Variants in SLC9D1 observed in about 807,000 individuals in gnomAD.
SLC9D1 encodes putative LAG1-interacting protein.
At chr13:113,502,143 G>A in the SLC9D1 span, among the ~76,000 whole-genome samples, 1 of 152,180 alleles carries the variant, frequency 6.6e-6, no homozygotes, top group South Asian at 2.1e-4. Context: ...TAACGTGCTG[G>A]ACCAGGTTAT....
the SLC9D1 span, among the ~76,000 whole-genome samples, chr13:113,545,385 T>G: frequency 1.3e-5 from 2 of 152,350 alleles, no homozygotes; most frequent in South Asian, 4.1e-4. Context: ...GCCCACATAG[T>G]TTCTCAGTGC....
At chr13:113,540,385 C>T in the SLC9D1 span, among the ~76,000 whole-genome samples, 1 of 152,236 alleles carries the variant, frequency 6.6e-6, no homozygotes, top group East Asian at 1.9e-4. Flanking sequence ...TTCTCCACAA[C>T]CTCGCCAGCG....
chr13:113,548,485 G>T, the SLC9D1 span: 1 of 1,585,684 alleles, frequency 6.3e-7, no homozygotes, highest in South Asian at 1.1e-5. Flanking sequence ...GCGCTTCTCG[G>T]GCGGCACGGG....
At chr13:113,494,217 T>C in the SLC9D1 span, among the ~76,000 whole-genome samples, 3,585 of 152,312 alleles carry the variant, frequency 0.024, 91 homozygotes, top group East Asian at 0.11. Flanking sequence ...CTTTAAACTG[T>C]AAATCTGCGT....
the SLC9D1 span, among the ~76,000 whole-genome samples, chr13:113,548,671 C>G: frequency 1.3e-5 from 2 of 152,228 alleles, no homozygotes; most frequent in African/African-American, 4.8e-5. Context: ...TTGCATTAAC[C>G]TTTTACAACA....
At chr13:113,523,158 T>G in the SLC9D1 span, among the ~76,000 whole-genome samples, 2 of 151,940 alleles carry the variant, frequency 1.3e-5, no homozygotes, top group Non-Finnish European at 2.9e-5. Flanking sequence ...GTAATAAAAG[T>G]CATACTAGGT....
At chr13:113,537,888 CGTGT>C in the SLC9D1 span, among the ~76,000 whole-genome samples, 25,536 of 152,056 alleles carry the variant, frequency 0.17, 2,397 homozygotes, top group Admixed American at 0.27. Flanking sequence ...ACCAAGTAGC[CGTGT>C]GTGTGTGCGT....
At chr13:113,539,927 G>A in the SLC9D1 span, among the ~76,000 whole-genome samples, 1 of 152,096 alleles carries the variant, frequency 6.6e-6, no homozygotes, top group Non-Finnish European at 1.5e-5. The surrounding 1 kb of genome is among the most constrained non-coding windows in gnomAD (Gnocchi z 4.8). Context: ...GTGTCCACGT[G>A]TACTCGGTGT....
the SLC9D1 span, chr13:113,539,354 C>T: frequency 1.9e-6 from 3 of 1,611,788 alleles, no homozygotes; most frequent in Non-Finnish European, 2.5e-6. This position sits in a 1 kb window ranked among gnomAD's most constrained non-coding sequence, Gnocchi z 4.8. Flanking sequence ...CTGCCTCTCT[C>T]AGGTCACGGA....
At chr13:113,514,504 T>C in the SLC9D1 span, 1 of 145,650 alleles carries the variant, frequency 6.9e-6, no homozygotes, top group African/African-American at 2.7e-5. Flanking sequence ...ACAAGCCTGC[T>C]GCCAAGCTTT....
the SLC9D1 span, among the ~76,000 whole-genome samples, chr13:113,493,933 G>C: frequency 6.6e-6 from 1 of 152,190 alleles, no homozygotes; most frequent in East Asian, 1.9e-4. Flanking sequence ...TTCTGTGGCT[G>C]CCATTTCATG....
chr13:113,519,672 T>C, the SLC9D1 span, among the ~76,000 whole-genome samples: 1 of 151,742 alleles, frequency 6.6e-6, no homozygotes, highest in Non-Finnish European at 1.5e-5. Flanking sequence ...CTGCACCATT[T>C]GGACACCAAG....
the SLC9D1 span, among the ~76,000 whole-genome samples, chr13:113,538,782 T>C: frequency 6.6e-6 from 1 of 152,238 alleles, no homozygotes; most frequent in African/African-American, 2.4e-5. Context: ...CAGCCGTGCG[T>C]CATCCGGAAG....
At chr13:113,531,135 G>A in the SLC9D1 span, among the ~76,000 whole-genome samples, 3 of 152,238 alleles carry the variant, frequency 2.0e-5, no homozygotes, top group African/African-American at 7.2e-5. Context: ...CTTGGTCACC[G>A]CAGCGCCCAA....
At chr13:113,497,012 C>G in the SLC9D1 span, among the ~76,000 whole-genome samples, 1 of 152,244 alleles carries the variant, frequency 6.6e-6, no homozygotes, top group South Asian at 2.1e-4. Flanking sequence ...TTATTATCTC[C>G]TATGCTGAGA....
chr13:113,520,522 T>G, the SLC9D1 span: 14 of 790,754 alleles, frequency 1.8e-5, no homozygotes, highest in Non-Finnish European at 2.6e-5. Flanking sequence ...CAAAATAATT[T>G]GAGTTATTTT....
the SLC9D1 span, chr13:113,547,102 C>A: frequency 1.0e-5 from 6 of 580,480 alleles, no homozygotes; most frequent in Admixed American, 1.4e-4. Context: ...ACAGGTCATC[C>A]CAGGGCAGGC....
the SLC9D1 span, chr13:113,506,179 AG>A: frequency 0.13 from 9,770 of 75,528 alleles, 340 homozygotes; most frequent in East Asian, 0.24. Flanking sequence ...CTGTGGAGGA[AG>A]GAGCCTGTTA....
the SLC9D1 span, among the ~76,000 whole-genome samples, chr13:113,538,920 G>C: frequency 6.6e-6 from 1 of 152,212 alleles, no homozygotes; most frequent in African/African-American, 2.4e-5. Flanking sequence ...GATGCTTCTC[G>C]CTGGCTTCGT....
Sources: gnomAD v4.1 joint callset for allele counts (sites outside exome capture counted in the v4.1 genomes callset) on GRCh38, gnomAD v4.1.1 for gene constraint, Gnocchi (gnomAD v3.1) non-coding constraint, MANE v1.5 for transcripts, NCBI Gene and HGNC (gene_info 2026-07-23, HGNC 2026-07-21) for gene names.